ZNF844: variants seen among roughly 807,000 people sequenced by gnomAD.
ZNF844 encodes zinc finger protein 844.
In ZNF844, 11 loss-of-function variants were observed where a neutral mutation model predicts 11.4. The observed-to-expected ratio is 0.97, with a 90% CI of 0.61 to 1.60. ZNF844 has a LOEUF of 1.60. Among genes scored for constraint, ZNF844 ranks in the 40% most tolerant of loss-of-function variants. ZNF844 has a pLI of 0.00. For missense variants in ZNF844, 790 were observed against 796.8 expected, an observed-to-expected ratio of 0.99 and a Z score of 0.10; for synonymous variants, 248 against 260.3, an observed-to-expected ratio of 0.95 and a Z score of 0.46.
chr19:12,069,034 C>T (rs188543225), intron 1 of ZNF844, among the ~76,000 whole-genome samples: 3 of 152,280 alleles, frequency 2.0e-5, no homozygotes, highest in African/African-American at 7.2e-5. Context: ...TCTCAGAGCC[C>T]TGGAAAACTG....
intron 1 of ZNF844, among the ~76,000 whole-genome samples, chr19:12,073,582 G>A (rs1305542420): frequency 1.3e-5 from 2 of 149,030 alleles, no homozygotes; most frequent in African/African-American, 4.9e-5. Context: ...TTTGTTGTCT[G>A]CTGCTTCAAT....
rs1466704942 is a variant in ZNF844, at chr19:12,075,983, A to G, written c.863A>G (p.Lys288Arg). ...EKPYECKQCG[K>R]AFRWFHSFQI... ...CCATATGAATGCAAACAATGTGGAAAAGCCTTCAGATGGTTCCATTCCTTT... is the reference window on the plus strand; with the variant it reads ...CCATATGAATGCAAACAATGTGGAAGAGCCTTCAGATGGTTCCATTCCTTT... The change falls in exon 4 of 4, where the codon AAA becomes AGA. Residue 288 changes from lysine to arginine, a missense_variant. Transcript: ENST00000439326. 6.3e-7 allele frequency: 1 copy of G among 1,588,814 alleles called. No individual in the cohort carries two copies. The highest frequency in any genetic ancestry group is 8.6e-7 in the Non-Finnish European group (1 of 1,167,008).
chr19:12,077,016 A>T lies in ZNF844; in HGVS notation c.1896A>T (p.Thr632=). ...RSIIFLLCVY[T]KGCTLERNHI... is the part of the protein sequence containing the mutation. The stretch of plus-strand genomic sequence containing the variant: ...TTATTTTTCTTCTTTGCGTATACAC[A>T]AAAGGATGCACACTGGAGAGAAACC... Residue 632 remains threonine, a synonymous_variant, in exon 4 of 4, where the codon ACA becomes ACT. Transcript: ENST00000439326. 1 of 1,595,642 alleles carries T rather than the reference A, an allele frequency of 6.3e-7. No homozygotes were observed. Among genetic ancestry groups the T allele is most frequent in the South Asian group, 1.1e-5 (1 of 88,948 alleles).
rs1205937109 is a variant in ZNF844, at chr19:12,064,802, C to A, written c.-72C>A. 2 of 1,528,814 alleles carry A rather than the reference C, an allele frequency of 1.3e-6. No homozygotes were observed. The highest frequency in any genetic ancestry group is 1.8e-6 in the Non-Finnish European group (2 of 1,131,906). The allele number at this position is 1,528,814 out of a possible 1,614,324, so 94.7% of individuals were successfully genotyped here. A position where few individuals can be genotyped will look rare whatever the true frequency, so the allele number is the denominator to read the frequency against. On this transcript the variant is annotated 5_prime_UTR_variant, in exon 1 of 4. Coordinates refer to ENST00000439326, the MANE Select transcript of ZNF844 (RefSeq NM_001136501.3). ...TGCTCTGAGAGGGACCGGTTGCCAC[C>A]GCCATACTTCTGTCGCCCTGTCGTC...
Position 12,068,018 on chromosome 19 carries a change from G to T in ZNF844, c.3+3142G>T, listed in dbSNP as rs73514826. Among the ~76,000 whole-genome samples the T allele has an allele frequency of 4.9e-3, 688 of 140,390 alleles. 1 individual carries two copies. Among genetic ancestry groups the T allele is most frequent in the African/African-American group, 0.018 (645 of 36,454 alleles). The allele number at this position is 140,390 out of a possible 152,430, so 92.1% of individuals were successfully genotyped here. A position where few individuals can be genotyped will look rare whatever the true frequency, so the allele number is the denominator to read the frequency against. On this transcript the variant is annotated intron_variant, in intron 1 of 3. Coordinates refer to ENST00000439326, the MANE Select transcript of ZNF844 (RefSeq NM_001136501.3). The stretch of plus-strand genomic sequence containing the variant: ...TTAAAAATTAATTTAAAAATAGCCA[G>T]GCATAGTGCCTCACACCTACATCCT...
chr19:12,066,385 G>A (rs1403796615), intron 1 of ZNF844, among the ~76,000 whole-genome samples: 1 of 151,700 alleles, frequency 6.6e-6, no homozygotes, highest in Non-Finnish European at 1.5e-5. Flanking sequence ...AGTATCTTGG[G>A]ACCAGTCTAT....
rs1036530439 is a variant in ZNF844 at position 12,077,364 on chromosome 19, A to G, written c.*243A>G. On this transcript the variant is annotated 3_prime_UTR_variant, in exon 4 of 4. Transcript: ENST00000439326. The stretch of plus-strand genomic sequence containing the variant: ...CATTCAGTACCATGAAAGGACTCAC[A>G]CTGGAGAGAAACAGTATGAGTGTAA... 3 of 800,000 alleles carry G rather than the reference A, an allele frequency of 3.8e-6. No individual in the cohort carries two copies. The highest frequency in any genetic ancestry group is 3.4e-5 in the African/African-American group (2 of 59,004). The allele number at this position is 800,000 out of a possible 1,614,324, so 49.6% of individuals were successfully genotyped here.
chr19:12,074,108 T>A lies in ZNF844; in HGVS notation c.81T>A (p.Asn27Lys). The A allele has an allele frequency of 6.2e-7, 1 of 1,613,802 alleles. No homozygotes were observed. The highest frequency in any genetic ancestry group is 1.1e-5 in the South Asian group (1 of 91,070). ...EWSLLDPSQKNLYREVMQETL... is the reference protein window; with the variant it reads ...EWSLLDPSQKKLYREVMQETL... ...CTTTGCTGGATCCTTCCCAGAAGAA[T>A]CTCTACAGAGAAGTGATGCAGGAAA... The change falls in exon 2 of 4, where the codon AAT becomes AAA. Residue 27 changes from asparagine (N) to lysine (K), a missense_variant. By Grantham distance (94) the Asn-to-Lys change is moderately conservative (BLOSUM62 0). This residue lies in a region of ZNF844 where 129 missense variants were observed against 144.0 expected (regional missense o/e 0.90). Transcript: ENST00000439326.
chr19:12,076,925 A>C lies in ZNF844; in HGVS notation c.1805A>C (p.Glu602Ala). Reference sequence around the variant, plus strand: ...CATTCATATCTGCCAAGATCCTTCGAGTACATGCAAGAACACACCCTGGAG... The same window carrying C: ...CATTCATATCTGCCAAGATCCTTCGCGTACATGCAAGAACACACCCTGGAG... ...TKHSYLPRSF[E>A]YMQEHTLERN... is the part of the protein sequence containing the mutation. The change falls in exon 4 of 4, where the codon GAG becomes GCG. Residue 602 changes from glutamate to alanine, a missense_variant. Physicochemically the swap from Glu to Ala is moderately radical, Grantham distance 107. Around this residue, in one of 3 missense-constraint regions of ZNF844, gnomAD observed 657 missense variants for 636.2 expected, o/e 1.03. Transcript: ENST00000439326. 2 of 1,596,296 alleles carry C rather than the reference A, an allele frequency of 1.3e-6. No homozygotes were observed. Among genetic ancestry groups the C allele is most frequent in the Non-Finnish European group, 1.7e-6 (2 of 1,171,290 alleles).
chr19:12,073,372 T>G (rs1599399986), intron 1 of ZNF844, among the ~76,000 whole-genome samples: 1 of 152,064 alleles, frequency 6.6e-6, no homozygotes, highest in Non-Finnish European at 1.5e-5. Context: ...TTGAGGCTGG[T>G]CTCGAACTCC....
In ZNF844 at chr19:12,078,627, AT is replaced by A. The variant is rs1975858962; in HGVS notation, c.*1512del. On this transcript the variant is annotated 3_prime_UTR_variant, in exon 4 of 4. Transcript: ENST00000439326. Reference sequence around the variant, plus strand: ...ACTTAGAACATTTATCTTGGTCCTAATTTTTTGTTCATTCATAATACCAAAA... The same window carrying A: ...ACTTAGAACATTTATCTTGGTCCTAATTTTTGTTCATTCATAATACCAAAA... 2 of 152,126 alleles carry A rather than the reference AT, an allele frequency of 1.3e-5. No homozygotes were observed. Among genetic ancestry groups the A allele is most frequent in the Non-Finnish European group, 2.9e-5 (2 of 68,010 alleles). 9.4% of individuals were successfully genotyped at this position (152,126 alleles called of 1,614,324 possible).
intron 1 of ZNF844, among the ~76,000 whole-genome samples, chr19:12,068,469 A>AT (rs1975717183): frequency 6.6e-6 from 1 of 151,870 alleles, no homozygotes; most frequent in African/African-American, 2.4e-5. Flanking sequence ...CTATTAAAAA[A>AT]ATATATACAA....
At chr19:12,068,818 G>A (rs1975720497) in intron 1 of ZNF844, among the ~76,000 whole-genome samples, 1 of 152,098 alleles carries the variant, frequency 6.6e-6, no homozygotes, top group Non-Finnish European at 1.5e-5. Flanking sequence ...GAGGGATTTT[G>A]CTAGATTCTT....
chr19:12,080,222 C>T lies in ZNF844; in HGVS notation c.*3101C>T, dbSNP rs775848742. On this transcript the variant is annotated 3_prime_UTR_variant, in exon 4 of 4. Transcript: ENST00000439326. ...AAAACTAGCTGGGCGTGGTGGTGGG[C>T]GCCTGTAGTCCCAGCTACTCGGGAG... 8 of 199,238 alleles carry T rather than the reference C, an allele frequency of 4.0e-5. No individual in the cohort carries two copies. The highest frequency in any genetic ancestry group is 9.6e-5 in the African/African-American group (4 of 41,548). The allele number at this position is 199,238 out of a possible 1,614,324, so 12.3% of individuals were successfully genotyped here.
Position 12,076,285 on chromosome 19 carries a change from A to G in ZNF844, c.1165A>G (p.Arg389Gly). The G allele has an allele frequency of 6.2e-7, 1 of 1,613,838 alleles. No individual in the cohort carries two copies. The highest frequency in any genetic ancestry group is 8.5e-7 in the Non-Finnish European group (1 of 1,179,870). ...AGACATGAAAGAACTCACACTGGAGAGAAACCTTATGAATGCAAGCACTGT... is the reference window on the plus strand; with the variant it reads ...AGACATGAAAGAACTCACACTGGAGGGAAACCTTATGAATGCAAGCACTGT... ...FEDMKELTLE[R>G]NLMNASTVVK... The change falls in exon 4 of 4, where the codon AGA becomes GGA. Residue 389 changes from arginine (R) to glycine (G), a missense_variant. Physicochemically the swap from Arg to Gly is moderately radical, Grantham distance 125. This residue lies in a region of ZNF844 where 657 missense variants were observed against 636.2 expected (regional missense o/e 1.03). Transcript: ENST00000439326.
intron 1 of ZNF844, among the ~76,000 whole-genome samples, chr19:12,065,177 G>A (rs1975674237): frequency 6.6e-6 from 1 of 152,084 alleles, no homozygotes. Flanking sequence ...CATATTGTGC[G>A]GGGCCACGGG....
Position 12,075,557 on chromosome 19 carries a change from G to T in ZNF844, c.437G>T (p.Arg146Leu). The part of the protein sequence containing the change: ...YGQEPYKCQQ[R>L]KKAFRCHPSF... ...CAGGAGCCATATAAGTGTCAACAACGTAAGAAAGCCTTCAGATGTCACCCC... is the reference window on the plus strand; with the variant it reads ...CAGGAGCCATATAAGTGTCAACAACTTAAGAAAGCCTTCAGATGTCACCCC... Residue 146 changes from arginine (R) to leucine (L), a missense_variant, in exon 4 of 4, where the codon CGT becomes CTT. By Grantham distance (102) the Arg-to-Leu change is moderately radical. Around this residue, in one of 3 missense-constraint regions of ZNF844, gnomAD observed 657 missense variants for 636.2 expected, o/e 1.03. Coordinates refer to ENST00000439326, the MANE Select transcript of ZNF844 (RefSeq NM_001136501.3). 5 of 1,614,036 alleles carry T rather than the reference G, an allele frequency of 3.1e-6. No individual in the cohort carries two copies. The highest frequency in any genetic ancestry group is 1.6e-4 in the Middle Eastern group (1 of 6,062).
chr19:12,071,934 C>T (rs983179529), intron 1 of ZNF844, among the ~76,000 whole-genome samples: 16 of 151,448 alleles, frequency 1.1e-4, no homozygotes, highest in Admixed American at 8.6e-4. Flanking sequence ...CTCACACAGC[C>T]TGGAGTGCAG....
At chr19:12,070,148 A>T (rs1975739677) in intron 1 of ZNF844, 1 of 151,806 alleles carries the variant, frequency 6.6e-6, no homozygotes, top group Admixed American at 6.6e-5. Context: ...AAAAAAAAAA[A>T]AAAAGAAACT....
Sources: allele counts gnomAD v4.1 joint callset (sites outside exome capture counted in the v4.1 genomes callset), GRCh38; gene constraint gnomAD v4.1.1; regional missense constraint gnomAD v4.1.1; transcripts MANE v1.5; gene names NCBI Gene and HGNC (gene_info 2026-07-23, HGNC 2026-07-21).